Variants in STRBP observed in about 807,000 individuals in gnomAD.
STRBP encodes spermatid perinuclear RNA binding protein.
STRBP carries 13 observed loss-of-function variants against 80.1 expected under a neutral mutation model. The ratio of observed to expected loss-of-function variants is 0.16; its 90% CI spans 0.11 to 0.26. STRBP has a LOEUF of 0.26. Among genes scored for constraint, STRBP ranks in the 10% least tolerant of loss-of-function variants. The pLI, the probability that STRBP is intolerant of heterozygous loss-of-function variation, is 1.00. For missense variants in STRBP, 485 were observed against 815.2 expected (o/e 0.59, Z 4.93); for synonymous variants, 284 against 291.2 (o/e 0.98, Z 0.25).
At chr9:123,175,094 C>G (rs1370761295) in intron 4 of STRBP, among the ~76,000 whole-genome samples, 1 of 152,184 alleles carries the variant, frequency 6.6e-6, no homozygotes, top group African/African-American at 2.4e-5. Flanking sequence ...AATCTCACCA[C>G]AAGCCTCCAT....
chr9:123,228,533 C>T (rs1002588042), intron 2 of STRBP, among the ~76,000 whole-genome samples: 3 of 152,014 alleles, frequency 2.0e-5, no homozygotes, highest in Non-Finnish European at 4.4e-5. Context: ...AAGTGTATTA[C>T]GGAGGAATGA....
rs1564235145 is a variant in STRBP at position 123,146,886 on chromosome 9, T to C, written c.1307A>G (p.Lys436Arg). 2 of 1,613,182 alleles carry C rather than the reference T, an allele frequency of 1.2e-6. No homozygotes were observed. The highest frequency in any genetic ancestry group is 1.7e-6 in the Non-Finnish European group (2 of 1,179,298). Residue 436 changes from lysine (K) to arginine (R), a missense_variant, in exon 13 of 19, where the codon AAG becomes AGG. This residue lies in a region of STRBP where 377 missense variants were observed against 616.1 expected (regional missense o/e 0.61). Coordinates refer to ENST00000348403, the MANE Select transcript of STRBP (RefSeq NM_018387.5). ...CGCTACGTGAAGTTTTGCTGTTTTC[T>C]TGGATGGTCCTGAGGCTTCATATGT... Reference protein sequence around the residue: ...GTTYEASGPSKKTAKLHVAVK... With the variant: ...GTTYEASGPSRKTAKLHVAVK...
At chr9:123,221,223 C>T (rs1344937310) in intron 2 of STRBP, among the ~76,000 whole-genome samples, 2 of 152,074 alleles carry the variant, frequency 1.3e-5, no homozygotes, top group South Asian at 2.1e-4. Flanking sequence ...ACCATGACTC[C>T]GGAGAGCCCT....
intron 11 of STRBP, among the ~76,000 whole-genome samples, chr9:123,149,097 A>G (rs1265944284): frequency 2.6e-5 from 4 of 152,214 alleles, no homozygotes; most frequent in African/African-American, 4.8e-5. Context: ...TTTCCTAAGG[A>G]AAATTATGCT....
chr9:123,243,470 A>C (rs1184029712), intron 1 of STRBP, among the ~76,000 whole-genome samples: 1 of 152,176 alleles, frequency 6.6e-6, no homozygotes, highest in Non-Finnish European at 1.5e-5. Flanking sequence ...GATAAACTAG[A>C]CTTGGTCAAA....
intron 2 of STRBP, among the ~76,000 whole-genome samples, chr9:123,199,578 C>G (rs772604462): frequency 2.6e-5 from 4 of 152,060 alleles, no homozygotes; most frequent in Non-Finnish European, 5.9e-5. Flanking sequence ...TGTAGTTCTC[C>G]TTGTAGAGAT....
chr9:123,112,090 C>T (rs1251613382), intron 3 of STRBP: 1 of 169,602 alleles, frequency 5.9e-6, no homozygotes, highest in African/African-American at 2.4e-5. Flanking sequence ...TTCCCCACAC[C>T]TGGCCCGACT....
At position 123,123,039 on chromosome 9, in the gene STRBP, C is replaced by CTAT; in HGVS notation, c.*2557_*2558insATA. The CTAT allele has an allele frequency of 1.0e-6, 1 of 985,420 alleles. No homozygotes were observed. The highest frequency in any genetic ancestry group is 1.2e-6 in the Non-Finnish European group (1 of 829,932). The allele number at this position is 985,420 out of a possible 1,614,324, so 61.0% of individuals were successfully genotyped here. A position where few individuals can be genotyped will look rare whatever the true frequency, so the allele number is the denominator to read the frequency against. ...GGTGTCAGAGTGGAGTGTCTGAAAG[C>CTAT]TGGATAGCCTCAGGGTGTCACATTG... On this transcript the variant is annotated 3_prime_UTR_variant, in exon 19 of 19. Coordinates refer to ENST00000348403, the MANE Select transcript of STRBP (RefSeq NM_018387.5).
At chr9:123,138,306 T>G (rs2036446130) in intron 14 of STRBP, among the ~76,000 whole-genome samples, 1 of 152,234 alleles carries the variant, frequency 6.6e-6, no homozygotes, top group African/African-American at 2.4e-5. Context: ...AACAACATCT[T>G]GACCTGTGAC....
intron 2 of STRBP, among the ~76,000 whole-genome samples, chr9:123,186,783 A>G (rs572590694): frequency 3.8e-4 from 57 of 151,502 alleles, no homozygotes; most frequent in Non-Finnish European, 7.5e-4. Context: ...CTCTAAACTG[A>G]AATGGAGAAA....
At chr9:123,145,865 G>GT (rs1339444950) in intron 13 of STRBP, among the ~76,000 whole-genome samples, 2 of 151,994 alleles carry the variant, frequency 1.3e-5, no homozygotes, top group Non-Finnish European at 2.9e-5. Flanking sequence ...AATATATAGT[G>GT]TTTGACATTT....
At position 123,122,260 on chromosome 9, in the gene STRBP, A is replaced by G; in HGVS notation, c.*3337T>C. ...CCTATTTTATACAAGTGATATGGCT[A>G]CGAAGGTCCGAGGAGAACGAGAATA... On this transcript the variant is annotated 3_prime_UTR_variant, in exon 19 of 19. Coordinates refer to ENST00000348403, the MANE Select transcript of STRBP (RefSeq NM_018387.5). 1.7e-6 allele frequency: 2 copies of G among 1,180,768 alleles called. No homozygotes were observed. Among genetic ancestry groups the G allele is most frequent in the Non-Finnish European group, 2.2e-6 (2 of 890,310 alleles). 73.1% of individuals were successfully genotyped at this position (1,180,768 alleles called of 1,614,324 possible). A position where few individuals can be genotyped will look rare whatever the true frequency, so the allele number is the denominator to read the frequency against.
intron 1 of STRBP, among the ~76,000 whole-genome samples, chr9:123,262,066 G>C (rs2041170908): frequency 6.6e-6 from 1 of 152,152 alleles, no homozygotes; most frequent in South Asian, 2.1e-4. Flanking sequence ...TTCCATTTAG[G>C]CTGACTAAAC....
chr9:123,177,640 A>G (rs1234779801), intron 4 of STRBP, among the ~76,000 whole-genome samples: 1 of 152,226 alleles, frequency 6.6e-6, no homozygotes, highest in African/African-American at 2.4e-5. Context: ...AAGTCTTTAA[A>G]TCACAGACCT....
chr9:123,262,262 A>G (rs1292734302), intron 1 of STRBP, among the ~76,000 whole-genome samples: 1 of 152,238 alleles, frequency 6.6e-6, no homozygotes, highest in Non-Finnish European at 1.5e-5. Context: ...GGGCTTAATA[A>G]TGGCATACTA....
At chr9:123,130,871 C>T (rs1344652987) in intron 17 of STRBP, among the ~76,000 whole-genome samples, 1 of 152,042 alleles carries the variant, frequency 6.6e-6, no homozygotes, top group Non-Finnish European at 1.5e-5. Context: ...TATATTCCTC[C>T]CATCTGTTCT....
At chr9:123,133,082 T>C (rs2132313090) in intron 16 of STRBP, 114 bp from the exon 17 acceptor site, 2 of 1,296,478 alleles carry the variant, frequency 1.5e-6, no homozygotes, top group East Asian at 4.9e-5. Context: ...GGTGAGACCA[T>C]GAGCTGTCTG....
chr9:123,203,927 G>A (rs1468247740), intron 2 of STRBP, among the ~76,000 whole-genome samples: 11 of 151,990 alleles, frequency 7.2e-5, no homozygotes, highest in East Asian at 3.9e-4. Flanking sequence ...AGCCAAGATC[G>A]CGCCACTGCA....
chr9:123,230,572 A>G (rs886408840), intron 2 of STRBP, among the ~76,000 whole-genome samples: 2 of 152,356 alleles, frequency 1.3e-5, no homozygotes, highest in South Asian at 4.1e-4. Flanking sequence ...TATATCACAG[A>G]CAGCTGCTCA....
Sources: gnomAD v4.1 joint callset for allele counts (sites outside exome capture counted in the v4.1 genomes callset) on GRCh38, gnomAD v4.1.1 for gene constraint, gnomAD v4.1.1 regional missense constraint, MANE v1.5 for transcripts, NCBI Gene and HGNC (gene_info 2026-07-23, HGNC 2026-07-21) for gene names.